The following MTERF4 variants were observed in gnomAD, a reference collection of about 807,000 sequenced individuals.
MTERF4 encodes mitochondrial transcription termination factor 4.
MTERF4 carries 17 observed loss-of-function variants against 22.5 expected under a neutral mutation model. The observed-to-expected ratio is 0.75, with a 90% confidence interval of 0.52 to 1.13. MTERF4 has a LOEUF of 1.13. MTERF4 is among the 50% of genes most tolerant of loss of function. The pLI, the probability that MTERF4 is intolerant of heterozygous loss-of-function variation, is 0.00. For missense variants in MTERF4, 420 were observed against 466.8 expected, an observed-to-expected ratio of 0.90 and a Z score of 0.92; for synonymous variants, 165 against 175.3, an observed-to-expected ratio of 0.94 and a Z score of 0.47.
At position 241,096,335 on chromosome 2, in the gene MTERF4, CGCTCCAGGT is replaced by C. The variant is rs2064420472; in HGVS notation, c.800_808del (p.Tyr267_Arg270delinsCys). ...ATCAGGGGTTTGGTACCGTCCCAGG[CGCTCCAGGT>C]AAATGTGTCTCTGCTTAATCTTGGT... On this transcript the variant is annotated inframe_deletion, in exon 4 of 4. Transcript: ENST00000391980. This position sits in a 1 kb window ranked among gnomAD's most constrained non-coding sequence, Gnocchi z 5.1. 2.5e-6 allele frequency: 4 copies of C among 1,614,020 alleles called. No homozygotes were observed. In the Admixed American group the frequency reaches 6.7e-5, roughly 27 times the overall value.
downstream of MTERF4, among the ~76,000 whole-genome samples, chr2:241,085,919 T>C (rs2063553436): frequency 7.2e-6 from 1 of 138,416 alleles, no homozygotes; most frequent in African/African-American, 2.8e-5. Context: ...CAGGCTGGAG[T>C]GCAGTGGAGC....
At chr2:241,078,095 G>A (rs2063116633) in intron 4 of MTERF4, among the ~76,000 whole-genome samples, 1 of 152,142 alleles carries the variant, frequency 6.6e-6, no homozygotes, top group Non-Finnish European at 1.5e-5. Context: ...ACTAACGAAA[G>A]GAAAAGTGGC....
downstream of MTERF4, among the ~76,000 whole-genome samples, chr2:241,067,321 T>C (rs7559967): frequency 0.26 from 38,815 of 152,178 alleles, 7,228 homozygotes; most frequent in African/African-American, 0.51. Context: ...TCCCTGCAGT[T>C]GCTGGGAGTT....
At chr2:241,061,050 G>C in the MTERF4 span, among the ~76,000 whole-genome samples, 1 of 152,066 alleles carries the variant, frequency 6.6e-6, no homozygotes, top group African/African-American at 2.4e-5. Flanking sequence ...AAGAAATGAT[G>C]AACATACTTG....
the MTERF4 span, chr2:241,049,174 C>T: frequency 4.0e-6 from 6 of 1,506,304 alleles, 1 homozygote; most frequent in East Asian, 2.4e-5. Context: ...GCCGGGGGCC[C>T]GGACAGAAGC....
At position 241,096,972 on chromosome 2, in the gene MTERF4, A is replaced by G. The variant is rs2064463740; in HGVS notation, c.705+271T>C. ...TTCATTATTAATGGCAGAAAAGTTGAAGAATAGGTTTGATCTGTAGTAAAG... is the reference window on the plus strand; with the variant it reads ...TTCATTATTAATGGCAGAAAAGTTGGAGAATAGGTTTGATCTGTAGTAAAG... On this transcript the variant is annotated intron_variant, in intron 3 of 3. Coordinates refer to ENST00000391980, the MANE Select transcript of MTERF4 (RefSeq NM_182501.4). The surrounding 1 kb of genome is among the most constrained non-coding windows in gnomAD (Gnocchi z 5.1). The G allele has an allele frequency of 1.7e-6, 1 of 587,024 alleles. No individual in the cohort carries two copies. Among genetic ancestry groups the G allele is most frequent in the Non-Finnish European group, 3.0e-6 (1 of 333,826 alleles). 36.4% of individuals were successfully genotyped at this position (587,024 alleles called of 1,614,324 possible). A position where few individuals can be genotyped will look rare whatever the true frequency, so the allele number is the denominator to read the frequency against.
chr2:241,087,878 T>C, downstream of MTERF4: 1 of 438,434 alleles, frequency 2.3e-6, no homozygotes, highest in Non-Finnish European at 3.9e-6. Flanking sequence ...CAAGAATTAC[T>C]ACTGTTTGGC....
In MTERF4 at chr2:241,073,221, G is replaced by C; in HGVS notation, n.2941C>G. On this transcript the variant is annotated non_coding_transcript_exon_variant, in exon 5 of 5. Transcript: ENST00000464344. The surrounding 1 kb of genome is among the most constrained non-coding windows in gnomAD (Gnocchi z 6.6). Reference sequence around the variant, plus strand: ...AAGGGTGGCCCCAGGACCATCCCGGGTGCAAAGCAGCTGCGCCGTGTGGTC... The same window carrying C: ...AAGGGTGGCCCCAGGACCATCCCGGCTGCAAAGCAGCTGCGCCGTGTGGTC... 2 of 1,440,178 alleles carry C rather than the reference G, an allele frequency of 1.4e-6. No individual in the cohort carries two copies. Among genetic ancestry groups the C allele is most frequent in the Non-Finnish European group, 1.9e-6 (2 of 1,048,136 alleles). 89.2% of individuals were successfully genotyped at this position (1,440,178 alleles called of 1,614,324 possible).
downstream of MTERF4, chr2:241,090,195 G>A (rs1442709685): frequency 6.8e-7 from 1 of 1,469,038 alleles, no homozygotes; most frequent in African/African-American, 1.4e-5. Flanking sequence ...GCTTTTCTCT[G>A]TTTTTAAAAT....
In MTERF4 at chr2:241,096,090, C is replaced by G; in HGVS notation, c.1054G>C (p.Asp352His). The change falls in exon 4 of 4, where the codon GAT becomes CAT. Residue 352 changes from aspartate (D) to histidine (H), a missense_variant. Physicochemically the swap from Asp to His is moderately conservative, Grantham distance 81 (BLOSUM62 -1). Transcript: ENST00000391980. This position sits in a 1 kb window ranked among gnomAD's most constrained non-coding sequence, Gnocchi z 5.1. ...TCATCCTCATCATTGTCATCCTCAT[C>G]ATTGTCCTCCTCATCATCGTCATCC... is the stretch of plus-strand genomic sequence containing the variant. ...DEDDDDEEDN[D>H]EDDNDEDDDD... 6.2e-7 allele frequency: 1 copy of G among 1,613,432 alleles called. No homozygotes were observed. The highest frequency in any genetic ancestry group is 8.5e-7 in the Non-Finnish European group (1 of 1,179,788).
chr2:241,069,046 C>T (rs548980870), downstream of MTERF4: 36 of 1,497,542 alleles, frequency 2.4e-5, no homozygotes, highest in African/African-American at 3.5e-4. The surrounding 1 kb of genome is among the most constrained non-coding windows in gnomAD (Gnocchi z 4.9). Context: ...GCGCGGCCCC[C>T]GGCACACGAA....
the MTERF4 span, chr2:241,064,778 G>C: frequency 8.5e-7 from 1 of 1,181,292 alleles, no homozygotes; most frequent in African/African-American, 1.6e-5. The surrounding 1 kb of genome is among the most constrained non-coding windows in gnomAD (Gnocchi z 7.0). Flanking sequence ...CCAGGAGCAA[G>C]GGCGGGGCTG....
At chr2:241,070,117 C>T (rs570273441), downstream of MTERF4, 18 of 1,612,682 alleles carry the variant, frequency 1.1e-5, no homozygotes, top group East Asian at 4.5e-5. Context: ...GCCGGGACGG[C>T]GGTACCAGCT....
At chr2:241,067,908 C>T, downstream of MTERF4, 1 of 1,613,428 alleles carries the variant, frequency 6.2e-7, no homozygotes, top group Non-Finnish European at 8.5e-7. Flanking sequence ...AGGGACCAGG[C>T]CACCGATGTG....
downstream of MTERF4, chr2:241,095,183 A>C (rs748177331): frequency 6.6e-6 from 1 of 151,074 alleles, no homozygotes; most frequent in Non-Finnish European, 1.5e-5. Flanking sequence ...GTCTGTAACC[A>C]GGGCAGGGGA....
chr2:241,052,489 A>C, the MTERF4 span: 3 of 1,541,698 alleles, frequency 1.9e-6, no homozygotes, highest in East Asian at 7.0e-5. Flanking sequence ...CAGGGGGATC[A>C]AGCAGGGTAC....
downstream of MTERF4, among the ~76,000 whole-genome samples, chr2:241,069,454 G>A (rs1450374897): frequency 6.6e-6 from 1 of 152,152 alleles, no homozygotes; most frequent in Non-Finnish European, 1.5e-5. The surrounding 1 kb of genome is among the most constrained non-coding windows in gnomAD (Gnocchi z 4.9). Context: ...CAGTCAGCGC[G>A]CAGGGGAGGG....
chr2:241,084,880 A>G (rs1355441163), downstream of MTERF4, among the ~76,000 whole-genome samples: 1 of 151,776 alleles, frequency 6.6e-6, no homozygotes, highest in African/African-American at 2.4e-5. Flanking sequence ...TGAAGAATAT[A>G]TTTGCTGAAT....
downstream of MTERF4, among the ~76,000 whole-genome samples, chr2:241,070,563 C>T (rs2062656168): frequency 2.0e-5 from 3 of 152,298 alleles, no homozygotes; most frequent in South Asian, 2.1e-4. Context: ...GCCTGACCCA[C>T]GAAGAGCCAC....
Sources: gnomAD v4.1 joint callset for allele counts (sites outside exome capture counted in the v4.1 genomes callset) on GRCh38, gnomAD v4.1.1 for gene constraint, Gnocchi (gnomAD v3.1) non-coding constraint, MANE v1.5 for transcripts, NCBI Gene and HGNC (gene_info 2026-07-23, HGNC 2026-07-21) for gene names.